Variants in ZNF438 observed in about 807,000 individuals in gnomAD.
ZNF438 encodes the protein zinc finger protein 438.
In ZNF438, 25 loss-of-function variants were observed where a neutral mutation model predicts 38.0. The observed-to-expected ratio is 0.66, with a 90% CI of 0.48 to 0.92. ZNF438 has a LOEUF of 0.92. Ranked by LOEUF, ZNF438 falls within the 40% of genes least tolerant of loss-of-function variation. The pLI is 0.00. For synonymous variants in ZNF438, 372 were observed against 364.1 expected (o/e 1.02, Z -0.25); for missense variants, 1,007 against 999.6 (o/e 1.01, Z -0.10).
At chr10:31,023,094 T>G (rs2056717049) in intron 1 of ZNF438, among the ~76,000 whole-genome samples, 1 of 152,238 alleles carries the variant, frequency 6.6e-6, no homozygotes, top group African/African-American at 2.4e-5. Flanking sequence ...ATAATTATAG[T>G]AACATGATTT....
intron 1 of ZNF438, among the ~76,000 whole-genome samples, chr10:30,986,279 C>T (rs1039502495): frequency 1.2e-4 from 18 of 152,180 alleles, no homozygotes; most frequent in African/African-American, 3.9e-4. Flanking sequence ...CTATCACATG[C>T]ATTTTCTCCT....
At position 30,984,357 on chromosome 10, in the gene ZNF438, C is replaced by T. The variant is rs2052542563; in HGVS notation, c.-191-42706G>A. The T allele has an allele frequency of 6.6e-6, 1 of 152,144 alleles. No homozygotes were observed. The highest frequency in any genetic ancestry group is 2.1e-4 in the South Asian group (1 of 4,836). The allele number at this position is 152,144 out of a possible 1,614,324, so 9.4% of individuals were successfully genotyped here. A position where few individuals can be genotyped will look rare whatever the true frequency, so the allele number is the denominator to read the frequency against. On this transcript the variant is annotated intron_variant, in intron 1 of 5. Transcript: ENST00000413025. ...TTCAGAAATCTCTCTTCAAAAAATG[C>T]TTGTCACTTACCTATATCCCAAGGC...
intron 4 of ZNF438, among the ~76,000 whole-genome samples, chr10:30,855,924 A>G (rs2034544992): frequency 6.6e-6 from 1 of 152,260 alleles, no homozygotes; most frequent in Admixed American, 6.5e-5. Flanking sequence ...AGAAGTCAGG[A>G]ATGGGATAAG....
chr10:30,849,197 T>A (rs1163844012), exon 5 of ZNF438: 2 of 1,614,116 alleles, frequency 1.2e-6, no homozygotes, highest in Admixed American at 3.3e-5. Flanking sequence ...ATTAATGATA[T>A]ATTTCCTCCT....
rs111883649 is a variant in ZNF438, at chr10:30,935,548, C to A, written c.-115+6027G>T. On this transcript the variant is annotated intron_variant, in intron 2 of 5. Transcript: ENST00000413025. ...ATTCATGAGGGATCTGCGCCCATGA[C>A]TCAAACACCTCCCATTAGGTCTCAC... 6.8e-3 allele frequency among the ~76,000 whole-genome samples: 1,033 copies of A among 152,302 alleles called. 12 individuals carry two copies. The highest frequency in any genetic ancestry group is 0.023 in the African/African-American group (969 of 41,564).
intron 2 of ZNF438, among the ~76,000 whole-genome samples, chr10:30,929,015 T>C (rs1464831406): frequency 6.6e-6 from 1 of 152,212 alleles, no homozygotes. Context: ...TGGTTTAAGG[T>C]AACTGATGAG....
intron 1 of ZNF438, among the ~76,000 whole-genome samples, chr10:30,968,884 A>C (rs2136187650): frequency 6.6e-6 from 1 of 152,290 alleles, no homozygotes; most frequent in Admixed American, 6.5e-5. Context: ...AAAACAAGAC[A>C]CTTACCACAA....
intron 1 of ZNF438, among the ~76,000 whole-genome samples, chr10:30,983,186 G>C (rs2052404670): frequency 6.6e-6 from 1 of 152,226 alleles, no homozygotes; most frequent in Non-Finnish European, 1.5e-5. Flanking sequence ...GTATCAAAGA[G>C]AAAGCCTGTA....
At chr10:30,962,748 G>A (rs1355392614) in intron 1 of ZNF438, among the ~76,000 whole-genome samples, 3 of 121,848 alleles carry the variant, frequency 2.5e-5, no homozygotes, top group African/African-American at 7.7e-5. Context: ...TCATACAGCT[G>A]AACAACTGTG....
At chr10:30,975,479 T>C (rs200248350) in intron 1 of ZNF438, among the ~76,000 whole-genome samples, 1 of 152,320 alleles carries the variant, frequency 6.6e-6, no homozygotes, top group East Asian at 1.9e-4. Context: ...GGACACAAGC[T>C]TACAAGCTAC....
At chr10:30,864,511 A>G (rs896925528) in intron 4 of ZNF438, among the ~76,000 whole-genome samples, 1 of 152,128 alleles carries the variant, frequency 6.6e-6, no homozygotes, top group Non-Finnish European at 1.5e-5. Context: ...ATGATATTAC[A>G]TTATCTGTCT....
chr10:30,910,874 CG>C (rs2043014337), intron 2 of ZNF438, among the ~76,000 whole-genome samples: 1 of 151,752 alleles, frequency 6.6e-6, no homozygotes, highest in East Asian at 1.9e-4. Context: ...TATGAAAAAT[CG>C]AAACTAAAAT....
At chr10:30,992,383 G>C (rs2053590043) in intron 1 of ZNF438, among the ~76,000 whole-genome samples, 2 of 151,152 alleles carry the variant, frequency 1.3e-5, no homozygotes, top group Non-Finnish European at 2.9e-5. Flanking sequence ...TCTGGTGAAG[G>C]TTCTGAAGAT....
At chr10:30,897,234 G>A (rs2041462438) in intron 3 of ZNF438, among the ~76,000 whole-genome samples, 1 of 152,182 alleles carries the variant, frequency 6.6e-6, no homozygotes, top group South Asian at 2.1e-4. Context: ...TTATACAAAA[G>A]TAAATACTGC....
Position 30,958,883 on chromosome 10 carries a change from T to C in ZNF438, c.-191-17232A>G, listed in dbSNP as rs2049159378. Among the ~76,000 whole-genome samples, 2 of 147,514 alleles carry C rather than the reference T, an allele frequency of 1.4e-5. 1 individual carries two copies. Among genetic ancestry groups the C allele is most frequent in the African/African-American group, 4.9e-5 (2 of 41,174 alleles). On this transcript the variant is annotated intron_variant, in intron 1 of 5. Transcript: ENST00000413025. ...AGTTTCATCCATGCTGCAGCATATA[T>C]CAATATTTTCTTCCTTTTTCATTGC...
intron 1 of ZNF438, among the ~76,000 whole-genome samples, chr10:30,979,329 C>T (rs530817593): frequency 5.3e-5 from 8 of 152,260 alleles, no homozygotes; most frequent in African/African-American, 1.9e-4. Flanking sequence ...CGGAAATGGC[C>T]ATACTGCCCA....
Position 30,994,287 on chromosome 10 carries a change from G to A in ZNF438, c.-192+37546C>T, listed in dbSNP as rs757528695. ...CAGGGTGGAATGCTATGGTTTAAAT[G>A]TGTTCTCCAAAGGTTCACCGTATTG... On this transcript the variant is annotated intron_variant, in intron 1 of 5. Coordinates refer to ENST00000413025, the Ensembl canonical transcript of ZNF438. 2.0e-4 allele frequency among the ~76,000 whole-genome samples: 30 copies of A among 152,212 alleles called. 1 individual carries two copies. Among genetic ancestry groups the A allele is most frequent in the Non-Finnish European group, 3.5e-4 (24 of 68,030 alleles).
rs193058134 is a variant in ZNF438, at chr10:30,903,161, G to A, written c.-32+5772C>T. On this transcript the variant is annotated intron_variant, in intron 3 of 5. Coordinates refer to ENST00000413025, the Ensembl canonical transcript of ZNF438. Reference sequence around the variant, plus strand: ...GCCCACAAGCGCTGCATGCAGCCCCGGTTCTGCCCGTGCCTCTCCCTCCAC... The same window carrying A: ...GCCCACAAGCGCTGCATGCAGCCCCAGTTCTGCCCGTGCCTCTCCCTCCAC... Among the ~76,000 whole-genome samples, 36 of 152,228 alleles carry A rather than the reference G, an allele frequency of 2.4e-4. No individual in the cohort carries two copies. In the East Asian group the frequency reaches 5.2e-3, roughly 22 times the overall value.
intron 1 of ZNF438, among the ~76,000 whole-genome samples, chr10:30,952,271 A>C (rs17571239): frequency 0.11 from 16,310 of 145,454 alleles, 1,076 homozygotes; most frequent in Middle Eastern, 0.18. Context: ...TAAAGACTTA[A>C]ACGTTAGACC....
Sources: gnomAD v4.1 joint callset for allele counts (sites outside exome capture counted in the v4.1 genomes callset) on GRCh38, gnomAD v4.1.1 for gene constraint, MANE v1.5 for transcripts, NCBI Gene and HGNC (gene_info 2026-07-23, HGNC 2026-07-21) for gene names.